CEP128: variants seen among roughly 807,000 people sequenced by gnomAD.
CEP128 encodes centrosomal protein 128kDa.
Under a neutral mutation model 156.7 loss-of-function variants are expected in CEP128, and 132 were observed. The ratio of observed to expected loss-of-function variants is 0.84; its 90% CI spans 0.73 to 0.97. The LOEUF (loss-of-function observed/expected upper bound fraction) is 0.97, where lower values mean the gene tolerates loss of function less well. CEP128 is among the 50% of genes least tolerant of loss of function. CEP128 has a pLI of 0.00. For missense variants in CEP128, 1,252 were observed against 1,281.9 expected (o/e 0.98, Z 0.36); for synonymous variants, 469 against 448.9 (o/e 1.04, Z -0.57).
intron 19 of CEP128, among the ~76,000 whole-genome samples, chr14:80,650,752 A>G (rs1388192060): frequency 1.3e-5 from 2 of 152,150 alleles, no homozygotes; most frequent in Non-Finnish European, 2.9e-5. Flanking sequence ...TCAGCCTTTC[A>G]TCCCAGGGAT....
intron 20 of CEP128, among the ~76,000 whole-genome samples, chr14:80,562,803 GGT>G (rs1468615844): frequency 6.6e-6 from 1 of 151,476 alleles, no homozygotes; most frequent in Non-Finnish European, 1.5e-5. Flanking sequence ...CGGGAGTATA[GGT>G]GTGCACCACC....
intron 13 of CEP128, among the ~76,000 whole-genome samples, chr14:80,806,842 G>C (rs533988905): frequency 6.6e-6 from 1 of 152,182 alleles, no homozygotes; most frequent in African/African-American, 2.4e-5. Context: ...AAATATTGAG[G>C]GAGAGAAACT....
intron 19 of CEP128, among the ~76,000 whole-genome samples, chr14:80,647,420 C>G (rs574547984): frequency 6.6e-6 from 1 of 151,950 alleles, no homozygotes; most frequent in Admixed American, 6.6e-5. Context: ...CAGAACCTTA[C>G]GTACATACAT....
rs762314570 is a variant in CEP128 at position 80,828,926 on chromosome 14, CA to C, written c.1209+2216del. 1.5e-4 allele frequency among the ~76,000 whole-genome samples: 23 copies of C among 152,242 alleles called. 1 individual carries two copies. The South Asian group carries it at 4.8e-3, about 32-fold the overall frequency. ...TTTTTTAATAGAATGTATAAGGCAA[CA>C]GCTCCATACTACCCAATATTTTCTA... On this transcript the variant is annotated intron_variant, in intron 13 of 24. Coordinates refer to ENST00000555265, the MANE Select transcript of CEP128 (RefSeq NM_152446.5).
intron 13 of CEP128, among the ~76,000 whole-genome samples, chr14:80,799,886 C>A (rs1202031090): frequency 6.6e-6 from 1 of 152,158 alleles, no homozygotes; most frequent in Non-Finnish European, 1.5e-5. Context: ...ATCAGTAGTT[C>A]TGCTTTTACC....
chr14:80,837,039 G>T (rs938137251), intron 11 of CEP128, among the ~76,000 whole-genome samples: 1 of 152,176 alleles, frequency 6.6e-6, no homozygotes. Flanking sequence ...TTCCAAAAAG[G>T]AAAGTTTGAA....
intron 8 of CEP128, among the ~76,000 whole-genome samples, chr14:80,875,501 A>G (rs914006194): frequency 6.6e-6 from 1 of 152,250 alleles, no homozygotes; most frequent in East Asian, 1.9e-4. Flanking sequence ...AGCAAAGGAT[A>G]ATAGACAATC....
At chr14:80,787,608 G>A (rs955414529) in intron 14 of CEP128, among the ~76,000 whole-genome samples, 1 of 152,020 alleles carries the variant, frequency 6.6e-6, no homozygotes, top group Non-Finnish European at 1.5e-5. Flanking sequence ...TTACCAAACT[G>A]GAGAACACAA....
chr14:80,643,388 T>C (rs1185462584), intron 19 of CEP128, among the ~76,000 whole-genome samples: 1 of 151,872 alleles, frequency 6.6e-6, no homozygotes, highest in African/African-American at 2.4e-5. Flanking sequence ...CCTCTGCAAA[T>C]GTGGGGTGCA....
chr14:80,637,866 C>A, intron 19 of CEP128, among the ~76,000 whole-genome samples: 1 of 152,156 alleles, frequency 6.6e-6, no homozygotes, highest in Middle Eastern at 3.4e-3. Flanking sequence ...AAGAGAGGGG[C>A]GTATGTAGAC....
rs574847084 is a variant in CEP128 at position 80,526,976 on chromosome 14, A to G, written c.2965T>C (p.Cys989Arg). The part of the protein sequence containing the change: ...LEDFKDFRDS[C>R]SSSERTDGRY... ...CCATCAGTTCTCTCAGATGAACTGC[A>G]GGAATCCTGGAAAAAAAAAAAAGCA... Residue 989 changes from cysteine (C) to arginine (R), a missense_variant, in exon 23 of 25, where the codon TGC becomes CGC. Physicochemically the swap from Cys to Arg is radical, Grantham distance 180. Coordinates refer to ENST00000555265, the MANE Select transcript of CEP128 (RefSeq NM_152446.5). 1.1e-4 allele frequency: 166 copies of G among 1,481,118 alleles called. No individual in the cohort carries two copies. The Admixed American group carries it at 3.4e-3, about 30-fold the overall frequency. 91.7% of individuals were successfully genotyped at this position (1,481,118 alleles called of 1,614,324 possible).
At position 80,895,786 on chromosome 14, in the gene CEP128, C is replaced by G. The variant is rs781087967; in HGVS notation, c.577G>C (p.Asp193His). The G allele has an allele frequency of 6.7e-7, 1 of 1,501,894 alleles. No individual in the cohort carries two copies. 93.0% of individuals were successfully genotyped at this position (1,501,894 alleles called of 1,614,324 possible). A position where few individuals can be genotyped will look rare whatever the true frequency, so the allele number is the denominator to read the frequency against. ...TCCAAAGCCCTTTTTGTTTCGGCAT[C>G]TGACCTAGGAAGAAAAAAAAAAAAA... Reference protein sequence around the residue: ...NRELSRRSRSDAETKRALEEL... With the variant: ...NRELSRRSRSHAETKRALEEL... Residue 193 changes from aspartate (D) to histidine (H), a missense_variant, in exon 8 of 25, where the codon GAT becomes CAT. Coordinates refer to ENST00000555265, the MANE Select transcript of CEP128 (RefSeq NM_152446.5).
chr14:80,770,717 G>C (rs1314358221), intron 16 of CEP128, among the ~76,000 whole-genome samples: 2 of 151,978 alleles, frequency 1.3e-5, no homozygotes, highest in Non-Finnish European at 2.9e-5. Flanking sequence ...GTTTAAATTT[G>C]CTTCTAAATT....
At chr14:80,700,414 C>G (rs919141233) in intron 19 of CEP128, among the ~76,000 whole-genome samples, 1 of 151,598 alleles carries the variant, frequency 6.6e-6, no homozygotes, top group African/African-American at 2.4e-5. Flanking sequence ...GGAAGATGCG[C>G]GTCATTAATA....
chr14:80,799,494 C>A (rs1035358678), intron 13 of CEP128, among the ~76,000 whole-genome samples: 2 of 152,138 alleles, frequency 1.3e-5, no homozygotes, highest in African/African-American at 4.8e-5. Context: ...GGAAGACAAC[C>A]ATAAGGTCTG....
At chr14:80,494,832 TAAC>T (rs1887438432), downstream of CEP128, among the ~76,000 whole-genome samples, 1 of 152,198 alleles carries the variant, frequency 6.6e-6, no homozygotes, top group South Asian at 2.1e-4. Flanking sequence ...AGGTAAACTA[TAAC>T]AATAAGAAAA....
intron 12 of CEP128, among the ~76,000 whole-genome samples, chr14:80,832,305 C>T (rs1268516919): frequency 1.3e-5 from 2 of 151,788 alleles, no homozygotes; most frequent in Non-Finnish European, 2.9e-5. Context: ...ATATAAAGTA[C>T]TCTATGGAGT....
intron 18 of CEP128, among the ~76,000 whole-genome samples, chr14:80,748,070 A>G (rs1899198087): frequency 6.6e-6 from 1 of 152,224 alleles, no homozygotes; most frequent in South Asian, 2.1e-4. Context: ...GAGTAAGTCA[A>G]GGCAGAAAAA....
chr14:80,819,249 T>TA (rs1885033366), intron 13 of CEP128, among the ~76,000 whole-genome samples: 1 of 138,608 alleles, frequency 7.2e-6, no homozygotes, highest in African/African-American at 2.8e-5. Context: ...CTTTTTTTTT[T>TA]TTTTTTTTTT....
Sources: gnomAD v4.1 joint callset for allele counts (sites outside exome capture counted in the v4.1 genomes callset) on GRCh38, gnomAD v4.1.1 for gene constraint, MANE v1.5 for transcripts, NCBI Gene and HGNC (gene_info 2026-07-23, HGNC 2026-07-21) for gene names.